Variants in PDE4B observed in about 807,000 individuals in gnomAD.
PDE4B encodes the protein phosphodiesterase 4B, also known as 3',5'-cyclic-AMP phosphodiesterase 4B.
PDE4B carries 20 observed loss-of-function variants against 82.2 expected under a neutral mutation model. That is an observed-to-expected ratio of 0.24 (90% CI 0.17 to 0.35). The LOEUF (loss-of-function observed/expected upper bound fraction) is 0.35, where lower values mean the gene tolerates loss of function less well. Ranked by LOEUF, PDE4B falls within the 10% of genes least tolerant of loss-of-function variation. The pLI, the probability that PDE4B is intolerant of heterozygous loss-of-function variation, is 1.00. For synonymous variants in PDE4B, 320 were observed against 318.9 expected (o/e 1.00, Z -0.04); for missense variants, 655 against 907.2 (o/e 0.72, Z 3.57).
intron 1 of PDE4B, among the ~76,000 whole-genome samples, chr1:65,887,190 CTT>C (rs1390327396): frequency 1.0e-4 from 1 of 9,592 alleles, no homozygotes; most frequent in Non-Finnish European, 2.0e-4. Context: ...CTCCCTTTTT[CTT>C]TCTTTCTTTC....
intron 8 of PDE4B, among the ~76,000 whole-genome samples, chr1:66,342,959 C>T (rs1299590471): frequency 6.6e-6 from 1 of 152,036 alleles, no homozygotes; most frequent in Admixed American, 6.6e-5. Context: ...GCATGAGAAT[C>T]GCTTGAGCCC....
At chr1:66,291,623 G>T (rs958404091) in intron 7 of PDE4B, among the ~76,000 whole-genome samples, 1 of 152,106 alleles carries the variant, frequency 6.6e-6, no homozygotes, top group African/African-American at 2.4e-5. Flanking sequence ...CAAGTTTATG[G>T]TTTGTTGGTT....
intron 3 of PDE4B, among the ~76,000 whole-genome samples, chr1:66,120,046 G>A (rs1645678264): frequency 1.3e-5 from 2 of 152,146 alleles, no homozygotes; most frequent in Admixed American, 6.5e-5. Context: ...CCACAACTGT[G>A]AGACAATATA....
At chr1:66,286,670 A>G (rs1028307818) in intron 7 of PDE4B, among the ~76,000 whole-genome samples, 1 of 152,154 alleles carries the variant, frequency 6.6e-6, no homozygotes, top group Non-Finnish European at 1.5e-5. Flanking sequence ...TATTTTGGCA[A>G]CATAAACATG....
intron 1 of PDE4B, among the ~76,000 whole-genome samples, chr1:65,812,170 G>A (rs1645828470): frequency 6.6e-6 from 1 of 152,156 alleles, no homozygotes; most frequent in South Asian, 2.1e-4. Context: ...GCCTTCTGCT[G>A]ATTTGGCATC....
chr1:66,204,724 C>T (rs989678870), intron 3 of PDE4B, among the ~76,000 whole-genome samples: 11 of 152,188 alleles, frequency 7.2e-5, no homozygotes, highest in African/African-American at 7.2e-5. Flanking sequence ...GGGAGTGACC[C>T]GATTTTCCAG....
At chr1:66,359,349 T>A (rs1662568478) in intron 9 of PDE4B, among the ~76,000 whole-genome samples, 1 of 152,256 alleles carries the variant, frequency 6.6e-6, no homozygotes, top group Admixed American at 6.5e-5. Flanking sequence ...GCTCACTGTA[T>A]TCTGACTATT....
intron 3 of PDE4B, among the ~76,000 whole-genome samples, chr1:65,938,515 A>C (rs149860034): frequency 1.3e-5 from 2 of 152,334 alleles, no homozygotes; most frequent in Non-Finnish European, 2.9e-5. Flanking sequence ...AAGAAAAGGA[A>C]GCATTGTGCT....
Position 65,877,092 on chromosome 1 carries a change from C to T in PDE4B, c.-70-36153C>T, listed in dbSNP as rs143837979. 6.6e-5 allele frequency among the ~76,000 whole-genome samples: 10 copies of T among 152,258 alleles called. No homozygotes were observed. In the East Asian group the frequency reaches 1.9e-3, roughly 29 times the overall value. Reference sequence around the variant, plus strand: ...TGGAACCAAAAAAGAGCCTGTATAGCCAAGACAATACTAAGCAAAAAGAAC... The same window carrying T: ...TGGAACCAAAAAAGAGCCTGTATAGTCAAGACAATACTAAGCAAAAAGAAC... On this transcript the variant is annotated intron_variant, in intron 1 of 16. Transcript: ENST00000341517.
chr1:66,260,755 C>G (rs937912123), intron 6 of PDE4B, among the ~76,000 whole-genome samples: 3 of 152,082 alleles, frequency 2.0e-5, no homozygotes, highest in African/African-American at 7.2e-5. Context: ...CAGGCCTTTC[C>G]AAACCCTTGA....
intron 1 of PDE4B, among the ~76,000 whole-genome samples, chr1:65,824,090 A>G (rs1405287516): frequency 6.6e-6 from 1 of 152,164 alleles, no homozygotes; most frequent in Non-Finnish European, 1.5e-5. Flanking sequence ...GGGGATAGCA[A>G]TTGTTTTGTG....
intron 3 of PDE4B, among the ~76,000 whole-genome samples, chr1:66,174,300 A>C (rs571086976): frequency 6.6e-5 from 10 of 152,350 alleles, no homozygotes; most frequent in South Asian, 6.2e-4. Context: ...GTTTATAGTA[A>C]AACTACTTCT....
intron 1 of PDE4B, among the ~76,000 whole-genome samples, chr1:65,811,556 C>T (rs1158915837): frequency 1.3e-5 from 2 of 152,218 alleles, no homozygotes; most frequent in African/African-American, 2.4e-5. Context: ...AGGTTTACAT[C>T]TCATTCCTGC....
chr1:66,204,128 C>T (rs1434948272), intron 3 of PDE4B, among the ~76,000 whole-genome samples: 1 of 152,214 alleles, frequency 6.6e-6, no homozygotes, highest in Non-Finnish European at 1.5e-5. Flanking sequence ...ACCCTGTTTG[C>T]CTGGGTATCA....
At chr1:66,179,758 A>G (rs1647020837) in intron 3 of PDE4B, among the ~76,000 whole-genome samples, 1 of 152,188 alleles carries the variant, frequency 6.6e-6, no homozygotes, top group Non-Finnish European at 1.5e-5. Context: ...CTGGACTGAC[A>G]TGGTAGATTG....
chr1:66,220,913 A>T (rs945242309), intron 3 of PDE4B, among the ~76,000 whole-genome samples: 4 of 152,344 alleles, frequency 2.6e-5, no homozygotes, highest in African/African-American at 7.2e-5. Context: ...TGTCTAAAGT[A>T]GTAAACAGAC....
chr1:65,915,080 A>G (rs1396388751), intron 2 of PDE4B, among the ~76,000 whole-genome samples: 1 of 152,192 alleles, frequency 6.6e-6, no homozygotes, highest in Non-Finnish European at 1.5e-5. Context: ...ATTAAACTAA[A>G]TTTTACCTGT....
At chr1:66,302,038 G>A (rs1657932193) in intron 7 of PDE4B, among the ~76,000 whole-genome samples, 1 of 152,188 alleles carries the variant, frequency 6.6e-6, no homozygotes, top group African/African-American at 2.4e-5. Flanking sequence ...AAGCCCAGAA[G>A]CAAAGAGAGA....
intron 3 of PDE4B, among the ~76,000 whole-genome samples, chr1:66,005,504 A>AT (rs1435795977): frequency 6.6e-6 from 1 of 152,156 alleles, no homozygotes; most frequent in East Asian, 1.9e-4. Context: ...ATCTTTGATC[A>AT]GGCTATTGTG....
Sources: allele counts gnomAD v4.1 joint callset (sites outside exome capture counted in the v4.1 genomes callset), GRCh38; gene constraint gnomAD v4.1.1; transcripts MANE v1.5; gene names NCBI Gene and HGNC (gene_info 2026-07-23, HGNC 2026-07-21).